The following CENPO variants were observed in gnomAD, a reference collection of about 807,000 sequenced individuals.
CENPO encodes the protein centromeric protein O.
In CENPO, 30 loss-of-function variants were observed where a neutral mutation model predicts 36.1. That is an observed-to-expected ratio of 0.83 (90% CI 0.62 to 1.13). The LOEUF (loss-of-function observed/expected upper bound fraction) is 1.13, where lower values mean the gene tolerates loss of function less well. CENPO is among the 50% of genes most tolerant of loss of function. The pLI is 0.00. For missense variants in CENPO, 349 were observed against 357.8 expected (o/e 0.98, Z 0.20); for synonymous variants, 171 against 142.3 (o/e 1.20, Z -1.44).
At chr2:24,812,100 G>A (rs1666719603) in intron 3 of CENPO, among the ~76,000 whole-genome samples, 2 of 151,916 alleles carry the variant, frequency 1.3e-5, no homozygotes, top group African/African-American at 2.4e-5. Flanking sequence ...TTTTGGTATC[G>A]CTGGCAGTAA....
chr2:24,795,070 G>C (rs1665833160), intron 2 of CENPO, among the ~76,000 whole-genome samples: 1 of 152,112 alleles, frequency 6.6e-6, no homozygotes, highest in South Asian at 2.1e-4. Context: ...CTAAAAATAA[G>C]TTTGGTGACT....
At chr2:24,804,548 C>T (rs1017782082) in intron 3 of CENPO, among the ~76,000 whole-genome samples, 11 of 152,184 alleles carry the variant, frequency 7.2e-5, no homozygotes, top group Non-Finnish European at 1.3e-4. Context: ...TCAGCATTTG[C>T]TTGTCTGTAA....
chr2:24,794,305 G>A (rs1410394270), intron 2 of CENPO, among the ~76,000 whole-genome samples: 1 of 152,202 alleles, frequency 6.6e-6, no homozygotes, highest in African/African-American at 2.4e-5. Context: ...GGCCAGTGTA[G>A]GGCAGTGACT....
At chr2:24,798,797 A>T (rs1666029549) in intron 2 of CENPO, among the ~76,000 whole-genome samples, 1 of 151,732 alleles carries the variant, frequency 6.6e-6, no homozygotes, top group Non-Finnish European at 1.5e-5. Flanking sequence ...TTTATTAGCC[A>T]TAAAAACCAT....
intron 2 of CENPO, among the ~76,000 whole-genome samples, chr2:24,799,033 G>C (rs973823401): frequency 2.1e-5 from 2 of 96,068 alleles, no homozygotes; most frequent in Non-Finnish European, 4.7e-5. Flanking sequence ...CCCCAGGCTG[G>C]AGTGCAATGG....
At chr2:24,805,401 C>A (rs1666354138) in intron 3 of CENPO, among the ~76,000 whole-genome samples, 1 of 152,190 alleles carries the variant, frequency 6.6e-6, no homozygotes, top group African/African-American at 2.4e-5. Context: ...GAGAGGCGCT[C>A]TGATTTTTAG....
chr2:24,815,931 A>C, intron 5 of CENPO, 175 bp downstream of exon 5: 1 of 644,132 alleles, frequency 1.6e-6, no homozygotes, highest in Non-Finnish European at 2.6e-6. Flanking sequence ...TTCTTTTGAA[A>C]CTCTGGATGG....
Position 24,811,142 on chromosome 2 carries a change from A to G in CENPO, c.217-3234A>G, listed in dbSNP as rs184164623. Among the ~76,000 whole-genome samples the G allele has an allele frequency of 1.5e-4, 23 of 151,682 alleles. No homozygotes were observed. The East Asian group carries it at 4.5e-3, about 30-fold the overall frequency. On this transcript the variant is annotated intron_variant, in intron 3 of 7. Transcript: ENST00000380834. ...TATTTTTAGTAGAGACAAGGGTTTCACCATGTTGGCCAGGCTGGTCTTGAA... is the reference window on the plus strand; with the variant it reads ...TATTTTTAGTAGAGACAAGGGTTTCGCCATGTTGGCCAGGCTGGTCTTGAA...
intron 3 of CENPO, among the ~76,000 whole-genome samples, chr2:24,810,828 T>A (rs542656203): frequency 6.6e-6 from 1 of 152,222 alleles, no homozygotes; most frequent in Non-Finnish European, 1.5e-5. Context: ...GTTTTTTCTG[T>A]CTTTCTGCTT....
At position 24,793,590 on chromosome 2, in the gene CENPO, C is replaced by G. The variant is rs191218259; in HGVS notation, c.-69+89C>G. 10 of 1,460,510 alleles carry G rather than the reference C, an allele frequency of 6.8e-6. No individual in the cohort carries two copies. The African/African-American group carries it at 1.4e-4, about 21-fold the overall frequency. 90.5% of individuals were successfully genotyped at this position (1,460,510 alleles called of 1,614,324 possible). On this transcript the variant is annotated intron_variant, in intron 1 of 7. Coordinates refer to ENST00000380834, the MANE Select transcript of CENPO (RefSeq NM_001322101.2). ...CGGGCTGAACGGCCTTCTTAAAACT[C>G]CTTCCGTGGCCGGGAAGCCCGCTGG...
chr2:24,798,087 T>C (rs1352167388), intron 2 of CENPO, among the ~76,000 whole-genome samples: 1 of 152,132 alleles, frequency 6.6e-6, no homozygotes, highest in East Asian at 1.9e-4. Context: ...GTAATGCAAA[T>C]ACTCCCAATT....
Position 24,820,284 on chromosome 2 carries a change from G to T in CENPO, c.*966G>T. On this transcript the variant is annotated 3_prime_UTR_variant, in exon 8 of 8. Transcript: ENST00000380834. ...CCCTTCCACCCGTGGCGAGCAGCGG[G>T]TGGGAAGGAGAACCCTGGAGTGACT... 1 of 1,264,578 alleles carries T rather than the reference G, an allele frequency of 7.9e-7. No homozygotes were observed. Among genetic ancestry groups the T allele is most frequent in the Admixed American group, 3.5e-5 (1 of 28,572 alleles). 78.3% of individuals were successfully genotyped at this position (1,264,578 alleles called of 1,614,324 possible).
At chr2:24,802,118 GCTCT>G (rs1247597477) in intron 3 of CENPO, among the ~76,000 whole-genome samples, 1 of 151,974 alleles carries the variant, frequency 6.6e-6, no homozygotes, top group Non-Finnish European at 1.5e-5. Flanking sequence ...TCATGATTTG[GCTCT>G]CTGTTTGTCT....
intron 2 of CENPO, among the ~76,000 whole-genome samples, chr2:24,794,969 CA>C (rs1665826491): frequency 6.6e-6 from 1 of 152,172 alleles, no homozygotes; most frequent in Non-Finnish European, 1.5e-5. Flanking sequence ...TCATTGATAA[CA>C]GAGAAGTAAC....
At chr2:24,819,310 A>C (rs2148306939) in intron 7 of CENPO, 44 bp from the exon 8 acceptor site, 1 of 152,760 alleles carries the variant, frequency 6.5e-6, no homozygotes, top group Non-Finnish European at 1.5e-5. Flanking sequence ...ACAGAAGATT[A>C]AAAATATAAA....
chr2:24,805,957 T>C (rs1666381308), intron 3 of CENPO, among the ~76,000 whole-genome samples: 2 of 152,262 alleles, frequency 1.3e-5, no homozygotes, highest in South Asian at 2.1e-4. Context: ...CTCCTTGAGC[T>C]GCAGTGGGCT....
At position 24,821,688 on chromosome 2, in the gene CENPO, C is replaced by T. The variant is rs376495789; in HGVS notation, c.*2370C>T. ...AAGTGTCAGGGGCCGCTCACTGCAG[C>T]AGCCTGCTCTGCTGCCTTCCCTGGC... On this transcript the variant is annotated 3_prime_UTR_variant, in exon 8 of 8. Transcript: ENST00000380834. 5.2e-5 allele frequency: 83 copies of T among 1,599,818 alleles called. No individual in the cohort carries two copies. Among genetic ancestry groups the T allele is most frequent in the African/African-American group, 1.3e-5 (1 of 74,738 alleles).
Position 24,820,717 on chromosome 2 carries a change from G to A in CENPO, c.*1399G>A. On this transcript the variant is annotated 3_prime_UTR_variant, in exon 8 of 8. Coordinates refer to ENST00000380834, the MANE Select transcript of CENPO (RefSeq NM_001322101.2). ...TGAGCACGTGCCAGCTGTGCCACTG[G>A]ACATACCTGAATGTTGCCCATGACC... 1 of 1,614,004 alleles carries A rather than the reference G, an allele frequency of 6.2e-7. No homozygotes were observed. Among genetic ancestry groups the A allele is most frequent in the Non-Finnish European group, 8.5e-7 (1 of 1,179,940 alleles).
Position 24,820,569 on chromosome 2 carries a change from C to T in CENPO, c.*1251C>T, listed in dbSNP as rs1667471308. ...GTGTTTCTTCCTGTGCTGAGGCTAG[C>T]TATTGCAGAGATTCTTTTCCACTTG... On this transcript the variant is annotated 3_prime_UTR_variant, in exon 8 of 8. Coordinates refer to ENST00000380834, the MANE Select transcript of CENPO (RefSeq NM_001322101.2). The T allele has an allele frequency of 6.9e-7, 1 of 1,441,136 alleles. No homozygotes were observed. The highest frequency in any genetic ancestry group is 9.2e-7 in the Non-Finnish European group (1 of 1,083,802). The allele number at this position is 1,441,136 out of a possible 1,614,324, so 89.3% of individuals were successfully genotyped here.
Sources: gnomAD v4.1 joint callset for allele counts (sites outside exome capture counted in the v4.1 genomes callset) on GRCh38, gnomAD v4.1.1 for gene constraint, MANE v1.5 for transcripts, NCBI Gene and HGNC (gene_info 2026-07-23, HGNC 2026-07-21) for gene names.